Variants in TTC12 observed in about 807,000 individuals in gnomAD.
TTC12 encodes tetratricopeptide repeat protein 12.
Under a neutral mutation model 90.1 loss-of-function variants are expected in TTC12, and 70 were observed. The ratio of observed to expected loss-of-function variants is 0.78; its 90% CI spans 0.64 to 0.95. The LOEUF (loss-of-function observed/expected upper bound fraction) is 0.95, where lower values mean the gene tolerates loss of function less well. Ranked by LOEUF, TTC12 falls within the 40% of genes least tolerant of loss-of-function variation. The probability of loss-of-function intolerance (pLI) is 0.00; values close to 1 mark genes in which losing one functional copy is unlikely to be tolerated. For missense variants in TTC12, 819 were observed against 846.1 expected, an observed-to-expected ratio of 0.97 and a Z score of 0.40; for synonymous variants, 296 against 311.5, an observed-to-expected ratio of 0.95 and a Z score of 0.53.
intron 12 of TTC12, among the ~76,000 whole-genome samples, chr11:113,342,248 T>C (rs1948725908): frequency 6.6e-6 from 1 of 152,166 alleles, no homozygotes; most frequent in African/African-American, 2.4e-5. Flanking sequence ...GCCTAAAATA[T>C]TGTTCCTTTT....
Position 113,364,858 on chromosome 11 carries a change from C to T in TTC12, c.1840C>T (p.Leu614Phe), listed in dbSNP as rs1227799050. The change falls in exon 21 of 22, where the codon CTC becomes TTC. Residue 614 changes from leucine to phenylalanine, a missense_variant. Transcript: ENST00000529221. ...DKKLSVMMKLLSSEDEVLVGN... is the reference protein window; with the variant it reads ...DKKLSVMMKLFSSEDEVLVGN... ...AGAGTTGAGCGTTATGATGAAGCTG[C>T]TCAGCTCGGAGGATGAGGTTCTGGT... 1 of 1,614,082 alleles carries T rather than the reference C, an allele frequency of 6.2e-7. No individual in the cohort carries two copies. Among genetic ancestry groups the T allele is most frequent in the Non-Finnish European group, 8.5e-7 (1 of 1,180,040 alleles).
At chr11:113,324,212 C>A in intron 4 of TTC12, 197 bp downstream of exon 4, 1 of 559,484 alleles carries the variant, frequency 1.8e-6, no homozygotes, top group Non-Finnish European at 3.1e-6. Flanking sequence ...TTCTCTTGGT[C>A]AACCTTTTGT....
intron 13 of TTC12, among the ~76,000 whole-genome samples, chr11:113,346,372 A>G (rs1050016131): frequency 6.6e-6 from 1 of 152,116 alleles, no homozygotes; most frequent in Admixed American, 6.5e-5. Context: ...TACTTGAGCA[A>G]AAGGAGCTTA....
In TTC12 at chr11:113,323,445, T is replaced by C. The variant is rs902806999; in HGVS notation, c.216T>C (p.Ala72=). The C allele has an allele frequency of 8.8e-6, 14 of 1,582,344 alleles. No individual in the cohort carries two copies. Among genetic ancestry groups the C allele is most frequent in the Non-Finnish European group, 1.2e-5 (14 of 1,169,512 alleles). ...NKTMISPPQT[A]MKSAEEINSE... is the part of the protein sequence containing the mutation. ...CTATGATCAGTCCTCCACAAACTGC[T>C]ATGAAGGTTTCTTTTTCTATTGAGA... is the stretch of plus-strand genomic sequence containing the variant. Residue 72 remains alanine (A), a synonymous_variant, in exon 3 of 22, where the codon GCT becomes GCC. Coordinates refer to ENST00000529221, the MANE Select transcript of TTC12 (RefSeq NM_017868.4).
chr11:113,334,839 T>G, intron 7 of TTC12, 127 bp from the exon 8 acceptor site: 1 of 671,570 alleles, frequency 1.5e-6, no homozygotes, highest in Non-Finnish European at 2.5e-6. Context: ...TAAAAAAGTT[T>G]TGTCAACTCT....
rs4938009 is a variant in TTC12, at chr11:113,360,206, A to G, written c.1614+198A>G. Among the ~76,000 whole-genome samples, 124,572 of 152,106 alleles carry G rather than the reference A, an allele frequency of 0.82. 51,050 individuals are homozygous for G. Among genetic ancestry groups the G allele is most frequent in the East Asian group, 0.92 (4,764 of 5,172 alleles). On this transcript the variant is annotated intron_variant, in intron 18 of 21. Transcript: ENST00000529221. ...TACCAGGTTTTGTCTACAGTTTCAGAGATTTGGTGACCTCCTTGCTGTGTC... is the reference window on the plus strand; with the variant it reads ...TACCAGGTTTTGTCTACAGTTTCAGGGATTTGGTGACCTCCTTGCTGTGTC...
chr11:113,351,145 C>T (rs1262809005), intron 14 of TTC12, 94 bp from the exon 15 acceptor site: 4 of 1,161,430 alleles, frequency 3.4e-6, no homozygotes, highest in Non-Finnish European at 3.8e-6. Flanking sequence ...ATCATATGGA[C>T]CTAGAGTTTG....
downstream of TTC12, chr11:113,368,198 A>C (rs1490470229): frequency 2.7e-6 from 4 of 1,479,066 alleles, no homozygotes; most frequent in African/African-American, 5.6e-5. Flanking sequence ...GTGCCTGCCG[A>C]GAGCAGTCAT....
chr11:113,324,510 G>A (rs192826607), intron 4 of TTC12, 95 bp from the exon 5 acceptor site: 17 of 930,600 alleles, frequency 1.8e-5, no homozygotes, highest in East Asian at 1.5e-4. Flanking sequence ...ATATGCATAC[G>A]TGTGGCTCTA....
At chr11:113,323,763 T>A (rs1947506318) in intron 3 of TTC12, among the ~76,000 whole-genome samples, 1 of 152,132 alleles carries the variant, frequency 6.6e-6, no homozygotes, top group Admixed American at 6.5e-5. Context: ...ACAGCTGAGG[T>A]CCCTTGACCT....
chr11:113,324,033 C>G lies in TTC12; in HGVS notation c.244+18C>G. 6.2e-7 allele frequency: 1 copy of G among 1,604,686 alleles called. No individual in the cohort carries two copies. Among genetic ancestry groups the G allele is most frequent in the Non-Finnish European group, 8.5e-7 (1 of 1,171,960 alleles). On this transcript the variant is annotated intron_variant, in intron 4 of 21. Coordinates refer to ENST00000529221, the MANE Select transcript of TTC12 (RefSeq NM_017868.4). ...AAACTCAGGTAAGGACAGCATCTCT[C>G]TTCCCAATTTTCATTCTTTATATAG...
intron 10 of TTC12, chr11:113,339,692 T>C: frequency 2.1e-6 from 1 of 487,344 alleles, no homozygotes; most frequent in East Asian, 3.0e-5. Flanking sequence ...ACACATGCAA[T>C]AAACATACAC....
downstream of TTC12, chr11:113,368,383 T>C: frequency 6.5e-7 from 1 of 1,548,276 alleles, no homozygotes; most frequent in Non-Finnish European, 8.7e-7. Flanking sequence ...GCATGGAAAA[T>C]ACCAGCGCCA....
chr11:113,344,169 A>G (rs1591578607), intron 12 of TTC12, 103 bp from the exon 13 acceptor site: 3 of 1,279,684 alleles, frequency 2.3e-6, no homozygotes, highest in East Asian at 4.7e-5. Flanking sequence ...CTGCCTTCAA[A>G]TGAGTGGGCA....
chr11:113,340,712 G>A lies in TTC12; in HGVS notation c.875G>A (p.Ser292Asn), dbSNP rs781963669. ...ATGCACAATGGATTTAGTATCATCA[G>A]TGACAACGAGGTCATAAGAAGGTAG... ...FRMHNGFSII[S>N]DNEVIRRCFS... The change falls in exon 11 of 22, where the codon AGT becomes AAT. Residue 292 changes from serine (S) to asparagine (N), a missense_variant. Coordinates refer to ENST00000529221, the MANE Select transcript of TTC12 (RefSeq NM_017868.4). 3 of 1,614,050 alleles carry A rather than the reference G, an allele frequency of 1.9e-6. No individual in the cohort carries two copies. Among genetic ancestry groups the A allele is most frequent in the Non-Finnish European group, 2.5e-6 (3 of 1,179,906 alleles).
At chr11:113,319,940 TTTTA>T (rs1472515559) in intron 2 of TTC12, among the ~76,000 whole-genome samples, 7 of 152,216 alleles carry the variant, frequency 4.6e-5, no homozygotes, top group Middle Eastern at 6.8e-3. Flanking sequence ...ACTTTAAAAC[TTTTA>T]TAAGACACCA....
At chr11:113,365,086 T>C (rs1385301638) in intron 21 of TTC12, 26 bp downstream of exon 21, 1 of 1,603,272 alleles carries the variant, frequency 6.2e-7, no homozygotes, top group Non-Finnish European at 8.5e-7. Context: ...GGAGCCAGGC[T>C]GACCTATTGC....
intron 16 of TTC12, among the ~76,000 whole-genome samples, chr11:113,358,454 C>T (rs953924308): frequency 1.3e-5 from 2 of 152,254 alleles, no homozygotes; most frequent in Middle Eastern, 3.4e-3. Flanking sequence ...CCCCAGAGCC[C>T]CCAAGACTGC....
rs781941497 is a variant in TTC12 at position 113,359,345 on chromosome 11, C to T, written c.1447-18C>T. ...GTAAGGCAAAAAGGTCATTGGTTAC[C>T]TTGTTTTGTTTCCCAAGGCCAGGTG... On this transcript the variant is annotated intron_variant, in intron 16 of 21. Transcript: ENST00000529221. 3.2e-6 allele frequency: 5 copies of T among 1,569,962 alleles called. No homozygotes were observed. The highest frequency in any genetic ancestry group is 1.1e-5 in the South Asian group (1 of 88,898).
Sources: allele counts gnomAD v4.1 joint callset (sites outside exome capture counted in the v4.1 genomes callset), GRCh38; gene constraint gnomAD v4.1.1; transcripts MANE v1.5; gene names NCBI Gene and HGNC (gene_info 2026-07-23, HGNC 2026-07-21).